Variants in ART1 observed in about 807,000 individuals in gnomAD.
ART1 encodes the protein ADP-ribosyltransferase 1, also known as GPI-linked NAD(P)(+)--arginine ADP-ribosyltransferase 1.
A neutral mutation model predicts 27.0 loss-of-function variants in ART1; 29 were observed. That is an observed-to-expected ratio of 1.08 (90% CI 0.80 to 1.47). ART1 has a LOEUF of 1.47. ART1 is among the 40% of genes most tolerant of loss of function. The pLI is 0.00. For missense variants in ART1, 480 were observed against 423.0 expected (o/e 1.13, Z -1.18); for synonymous variants, 201 against 172.2 (o/e 1.17, Z -1.31).
At position 3,659,836 on chromosome 11, in the gene ART1, C is replaced by T. The variant is rs146235398; in HGVS notation, c.317C>T (p.Pro106Leu). Residue 106 changes from proline to leucine, a missense_variant, in exon 3 of 5, where the codon CCA becomes CTA. Coordinates refer to ENST00000250693, the MANE Select transcript of ART1 (RefSeq NM_004314.3). The part of the protein sequence containing the change: ...WSLSPTRPSP[P>L]PLGFRDEHGV... Reference sequence around the variant, plus strand: ...CTCAGCCCCACCCGTCCATCCCCGCCACCCCTGGGCTTCCGCGATGAGCAT... The same window carrying T: ...CTCAGCCCCACCCGTCCATCCCCGCTACCCCTGGGCTTCCGCGATGAGCAT... The T allele has an allele frequency of 9.3e-6, 15 of 1,612,128 alleles. No individual in the cohort carries two copies. Among genetic ancestry groups the T allele is most frequent in the Admixed American group, 3.3e-5 (2 of 59,944 alleles).
intron 1 of ART1, among the ~76,000 whole-genome samples, chr11:3,645,853 G>C (rs564752293): frequency 1.3e-5 from 2 of 152,232 alleles, no homozygotes; most frequent in African/African-American, 4.8e-5. Context: ...TTGAAGAGTA[G>C]GTATCCAGGA....
intron 1 of ART1, among the ~76,000 whole-genome samples, chr11:3,648,426 C>T (rs1420938483): frequency 6.6e-6 from 1 of 152,168 alleles, no homozygotes; most frequent in East Asian, 1.9e-4. Flanking sequence ...CCGACCAGCG[C>T]AAGAAATATC....
intron 3 of ART1, among the ~76,000 whole-genome samples, chr11:3,660,784 G>A (rs2077614317): frequency 6.6e-6 from 1 of 152,240 alleles, no homozygotes; most frequent in Non-Finnish European, 1.5e-5. Context: ...GTGCATTTAT[G>A]AGATGGAAGA....
chr11:3,650,225 G>A (rs1206950746), intron 1 of ART1, among the ~76,000 whole-genome samples: 5 of 152,170 alleles, frequency 3.3e-5, no homozygotes, highest in African/African-American at 9.7e-5. Flanking sequence ...CCGGAAATCT[G>A]GCCACTGGGC....
intron 1 of ART1, among the ~76,000 whole-genome samples, chr11:3,654,851 C>T (rs149964457): frequency 1.3e-5 from 2 of 152,246 alleles, no homozygotes; most frequent in African/African-American, 4.8e-5. Context: ...ATTCCATGTC[C>T]TCAGTCTGCC....
chr11:3,648,034 G>A (rs1047456780), intron 1 of ART1, among the ~76,000 whole-genome samples: 5 of 152,154 alleles, frequency 3.3e-5, no homozygotes, highest in Non-Finnish European at 7.4e-5. Flanking sequence ...TGCCTTAACT[G>A]ATGACATTGT....
rs1051217304 is a variant in ART1, at chr11:3,660,337, G to A, written c.818G>A (p.Ser273Asn). The A allele has an allele frequency of 3.7e-6, 6 of 1,604,308 alleles. No individual in the cohort carries two copies. In the African/African-American group the frequency reaches 8.0e-5, roughly 21 times the overall value. Residue 273 changes from serine to asparagine, a missense_variant, in exon 3 of 5, where the codon AGC (serine) becomes AAC (asparagine). Physicochemically the swap from Ser to Asn is conservative, Grantham distance 46. Coordinates refer to ENST00000250693, the MANE Select transcript of ART1 (RefSeq NM_004314.3). ...TACCTCCGAGCCCTGGGCAAGCACA[G>A]CACCTACAACTGCGAGTACATCAAA... ...RIYLRALGKHSTYNCEYIKDK... is the reference protein window; with the variant it reads ...RIYLRALGKHNTYNCEYIKDK...
intron 1 of ART1, among the ~76,000 whole-genome samples, chr11:3,652,167 T>C (rs2077528419): frequency 1.3e-5 from 2 of 150,594 alleles, no homozygotes; most frequent in Admixed American, 1.3e-4. Flanking sequence ...TTAGCTTTAC[T>C]CAACATGCCC....
At chr11:3,653,259 A>G (rs1223613890) in intron 1 of ART1, among the ~76,000 whole-genome samples, 2 of 148,746 alleles carry the variant, frequency 1.3e-5, no homozygotes, top group Non-Finnish European at 2.9e-5. Context: ...CTAAGCCATC[A>G]TGTCCCCTGT....
intron 4 of ART1, 55 bp downstream of exon 4, chr11:3,661,468 G>C (rs1027247193): frequency 4.2e-5 from 57 of 1,342,704 alleles, no homozygotes; most frequent in Non-Finnish European, 5.6e-5. Flanking sequence ...GGCTGCTCTG[G>C]GGTTGGCCCC....
chr11:3,659,370 GC>G lies in ART1; in HGVS notation c.63+97del, dbSNP rs557673314. ...GGGAGAAAGAGAGAGAGGAAAGAAT[GC>G]CCGACGCTTCCCCTGGGGATCACTC... is the stretch of plus-strand genomic sequence containing the variant. On this transcript the variant is annotated intron_variant, in intron 2 of 4. Coordinates refer to ENST00000250693, the MANE Select transcript of ART1 (RefSeq NM_004314.3). 7.1e-5 allele frequency: 110 copies of G among 1,553,994 alleles called. 1 individual carries two copies. In the South Asian group the frequency reaches 1.2e-3, roughly 16 times the overall value.
intron 2 of ART1, 38 bp from the exon 3 acceptor site, chr11:3,659,545 G>T (rs1312994474): frequency 1.9e-6 from 3 of 1,549,740 alleles, no homozygotes; most frequent in Non-Finnish European, 2.6e-6. Flanking sequence ...TCTCCCAGGG[G>T]CCTATCCTCT....
intron 1 of ART1, among the ~76,000 whole-genome samples, chr11:3,645,523 C>A (rs959024500): frequency 6.6e-6 from 1 of 152,152 alleles, no homozygotes; most frequent in African/African-American, 2.4e-5. Context: ...CCATGCCCAC[C>A]CCATCCCTCC....
chr11:3,651,688 T>C (rs550054486), intron 1 of ART1, among the ~76,000 whole-genome samples: 10 of 146,848 alleles, frequency 6.8e-5, no homozygotes, highest in African/African-American at 1.3e-4. Context: ...TTCTTCCTCA[T>C]ACCTGATGCA....
chr11:3,652,172 A>G (rs1490273968), intron 1 of ART1, among the ~76,000 whole-genome samples: 8 of 150,580 alleles, frequency 5.3e-5, no homozygotes, highest in East Asian at 1.9e-4. Context: ...TTTACTCAAC[A>G]TGCCCTGAGT....
chr11:3,649,091 G>A (rs1310889569), intron 1 of ART1, among the ~76,000 whole-genome samples: 1 of 151,888 alleles, frequency 6.6e-6, no homozygotes, highest in Non-Finnish European at 1.5e-5. Context: ...TTTCTGGAGG[G>A]TAAGAACCCC....
chr11:3,658,335 A>G (rs1466560925), intron 1 of ART1, among the ~76,000 whole-genome samples: 3 of 126,776 alleles, frequency 2.4e-5, no homozygotes, highest in African/African-American at 7.7e-5. Flanking sequence ...TTGGTCTCGG[A>G]AAAAAAAAAA....
rs749174565 is a variant in ART1, at chr11:3,664,094, A to T, written c.889A>T (p.Met297Leu). 6 of 1,613,470 alleles carry T rather than the reference A, an allele frequency of 3.7e-6. No homozygotes were observed. The highest frequency in any genetic ancestry group is 4.2e-6 in the Non-Finnish European group (5 of 1,179,948). Residue 297 changes from methionine (M) to leucine (L), a missense_variant and splice_region_variant, in exon 5 of 5, where the codon ATG becomes TTG. Physicochemically the swap from Met to Leu is conservative, Grantham distance 15 (BLOSUM62 2). Coordinates refer to ENST00000250693, the MANE Select transcript of ART1 (RefSeq NM_004314.3). ...CTCTCTGCCTGTTTTCCCTGCAGCC[A>T]TGGGTCAGAGCCCCCTCTCTGCAGT... ...SGPCHLDNSA[M>L]GQSPLSAVWS...
At chr11:3,647,339 CAAAA>C (rs113492253) in intron 1 of ART1, among the ~76,000 whole-genome samples, 3 of 132,560 alleles carry the variant, frequency 2.3e-5, no homozygotes, top group African/African-American at 5.3e-5. Flanking sequence ...CAAAACAAAA[CAAAA>C]AAAAAAACGA....
Sources: allele counts gnomAD v4.1 joint callset (sites outside exome capture counted in the v4.1 genomes callset), GRCh38; gene constraint gnomAD v4.1.1; transcripts MANE v1.5; gene names NCBI Gene and HGNC (gene_info 2026-07-23, HGNC 2026-07-21).